Variants in KIF14 observed in about 807,000 individuals in gnomAD.
KIF14 encodes the protein kinesin-like protein KIF14.
KIF14 carries 98 observed loss-of-function variants against 176.2 expected under a neutral mutation model. The observed-to-expected ratio is 0.56, with a 90% CI of 0.47 to 0.66. The LOEUF is 0.66. Ranked by LOEUF, KIF14 falls within the 30% of genes least tolerant of loss-of-function variation. KIF14 has a pLI of 0.00. For synonymous variants in KIF14, 566 were observed against 632.2 expected, an observed-to-expected ratio of 0.90 and a Z score of 1.57; for missense variants, 1,751 against 1,920.4, an observed-to-expected ratio of 0.91 and a Z score of 1.65.
intron 22 of KIF14, among the ~76,000 whole-genome samples, chr1:200,572,375 C>T (rs951675804): frequency 8.5e-5 from 13 of 152,110 alleles, no homozygotes; most frequent in Admixed American, 3.9e-4. Flanking sequence ...GACGGAGGCT[C>T]GCTCTATCGC....
At chr1:200,590,040 A>G (rs1658972177) in intron 17 of KIF14, 85 bp downstream of exon 17, 1 of 1,342,936 alleles carries the variant, frequency 7.4e-7, no homozygotes, top group Non-Finnish European at 1.0e-6. Context: ...CAGTTCCCTT[A>G]TAGGGACATA....
In KIF14 at chr1:200,618,694, A is replaced by G; in HGVS notation, c.30T>C (p.Asn10=). 1 of 1,610,598 alleles carries G rather than the reference A, an allele frequency of 6.2e-7. No homozygotes were observed. The highest frequency in any genetic ancestry group is 1.1e-5 in the South Asian group (1 of 91,072). ...GAATATCAAGAATATCACCGCTGTT[A>G]TTTCTATTATGAGTACTGTGTAATG... MSLHSTHNR[N]NSGDILDIPS... The change falls in exon 2 of 30, where the codon AAT becomes AAC. Residue 10 remains asparagine, a synonymous_variant. Coordinates refer to ENST00000367350, the MANE Select transcript of KIF14 (RefSeq NM_014875.3).
chr1:200,612,254 T>G (rs981937289), intron 4 of KIF14, among the ~76,000 whole-genome samples: 6 of 152,108 alleles, frequency 3.9e-5, no homozygotes, highest in Non-Finnish European at 7.4e-5. Context: ...CCGCCTGCCT[T>G]GGCCTCCCAA....
At chr1:200,576,271 G>A (rs868764765) in intron 21 of KIF14, among the ~76,000 whole-genome samples, 9 of 152,204 alleles carry the variant, frequency 5.9e-5, no homozygotes, top group Non-Finnish European at 1.0e-4. Flanking sequence ...GAGGTCAGGA[G>A]ATCGAGACCA....
chr1:200,575,020 G>A (rs1177917960), intron 22 of KIF14, among the ~76,000 whole-genome samples: 3 of 148,528 alleles, frequency 2.0e-5, no homozygotes, highest in East Asian at 2.0e-4. Context: ...GCAGTGGAGC[G>A]ATCTCAGCTC....
At chr1:200,563,347 C>CT (rs1172637325) in intron 25 of KIF14, among the ~76,000 whole-genome samples, 1 of 151,936 alleles carries the variant, frequency 6.6e-6, no homozygotes, top group African/African-American at 2.4e-5. Flanking sequence ...TTAGTATTTT[C>CT]TTTTTTTAAA....
chr1:200,567,337 C>T (rs900696374), intron 23 of KIF14, among the ~76,000 whole-genome samples: 3 of 151,798 alleles, frequency 2.0e-5, no homozygotes, highest in African/African-American at 7.3e-5. Context: ...GTCAGGAGAT[C>T]GAGACCATCC....
chr1:200,556,992 T>G (rs1468489670), intron 27 of KIF14, among the ~76,000 whole-genome samples: 1 of 152,086 alleles, frequency 6.6e-6, no homozygotes, highest in Non-Finnish European at 1.5e-5. Flanking sequence ...GTTTTTACTT[T>G]TATTTTTTAT....
chr1:200,557,140 AC>A (rs1656875700), intron 27 of KIF14, among the ~76,000 whole-genome samples: 1 of 152,128 alleles, frequency 6.6e-6, no homozygotes, highest in East Asian at 1.9e-4. Context: ...AGTAGCTGGG[AC>A]TACAGATGTG....
At chr1:200,619,321 T>C (rs905474163) in intron 1 of KIF14, among the ~76,000 whole-genome samples, 1 of 151,822 alleles carries the variant, frequency 6.6e-6, no homozygotes, top group Non-Finnish European at 1.5e-5. Context: ...TTTTTGCCAA[T>C]GTTCCATAAG....
Position 200,593,783 on chromosome 1 carries a change from A to T in KIF14, c.2550-14T>A. 1 of 1,454,142 alleles carries T rather than the reference A, an allele frequency of 6.9e-7. No individual in the cohort carries two copies. Among genetic ancestry groups the T allele is most frequent in the East Asian group, 2.3e-5 (1 of 44,008 alleles). The allele number at this position is 1,454,142 out of a possible 1,614,324, so 90.1% of individuals were successfully genotyped here. On this transcript the variant is annotated splice_polypyrimidine_tract_variant and intron_variant, in intron 14 of 29. Coordinates refer to ENST00000367350, the MANE Select transcript of KIF14 (RefSeq NM_014875.3). Reference sequence around the variant, plus strand: ...TTTTTGATAGTACTGTTAAAATAAGAAGCACATAGTTAACAATTATAGAAC... The same window carrying T: ...TTTTTGATAGTACTGTTAAAATAAGTAGCACATAGTTAACAATTATAGAAC...
At chr1:200,608,285 T>C (rs1659982241) in intron 5 of KIF14, among the ~76,000 whole-genome samples, 1 of 152,126 alleles carries the variant, frequency 6.6e-6, no homozygotes, top group South Asian at 2.1e-4. Flanking sequence ...ATCTTTAGTT[T>C]TATACAATTC....
In KIF14 at chr1:200,601,590, A is replaced by G. The variant is rs142965661; in HGVS notation, c.2152+306T>C. Among the ~76,000 whole-genome samples, 3 of 152,300 alleles carry G rather than the reference A, an allele frequency of 2.0e-5. No homozygotes were observed. In the East Asian group the frequency reaches 5.8e-4, roughly 29 times the overall value. Reference sequence around the variant, plus strand: ...GAGAGGTCATAAGAGAAAAATAGTAAATAGTTTTATTGGCATTTTGCTGCA... The same window carrying G: ...GAGAGGTCATAAGAGAAAAATAGTAGATAGTTTTATTGGCATTTTGCTGCA... On this transcript the variant is annotated intron_variant, in intron 11 of 29. Transcript: ENST00000367350.
intron 19 of KIF14, among the ~76,000 whole-genome samples, chr1:200,583,691 C>T (rs1658581473): frequency 6.6e-6 from 1 of 152,248 alleles, no homozygotes; most frequent in South Asian, 2.1e-4. Context: ...CCTGTAATCC[C>T]AGCACTTTGG....
intron 2 of KIF14, among the ~76,000 whole-genome samples, chr1:200,616,708 AAAC>A (rs1454548105): frequency 2.0e-5 from 3 of 152,344 alleles, no homozygotes; most frequent in South Asian, 2.1e-4. Context: ...AAAATATTTT[AAAC>A]AACTACATTA....
chr1:200,563,184 T>G (rs1206752657), intron 25 of KIF14, among the ~76,000 whole-genome samples: 1 of 152,092 alleles, frequency 6.6e-6, no homozygotes, highest in Non-Finnish European at 1.5e-5. Context: ...AATAGCCCAT[T>G]CAGGAAGTAT....
At chr1:200,616,663 C>T (rs1660419711) in intron 2 of KIF14, among the ~76,000 whole-genome samples, 1 of 152,210 alleles carries the variant, frequency 6.6e-6, no homozygotes, top group Non-Finnish European at 1.5e-5. Flanking sequence ...TCAAGTTAAA[C>T]ACTACTAACT....
intron 28 of KIF14, among the ~76,000 whole-genome samples, chr1:200,554,887 G>C (rs541819831): frequency 6.6e-6 from 1 of 152,210 alleles, no homozygotes; most frequent in East Asian, 1.9e-4. Flanking sequence ...TACTTTAAAA[G>C]ATACATTTAT....
intron 22 of KIF14, among the ~76,000 whole-genome samples, chr1:200,573,962 G>A (rs538873708): frequency 1.3e-5 from 2 of 152,252 alleles, no homozygotes; most frequent in South Asian, 4.1e-4. Context: ...AAGAAAATCA[G>A]GAGCTTTGGA....
Sources: gnomAD v4.1 joint callset for allele counts (sites outside exome capture counted in the v4.1 genomes callset) on GRCh38, gnomAD v4.1.1 for gene constraint, MANE v1.5 for transcripts, NCBI Gene and HGNC (gene_info 2026-07-23, HGNC 2026-07-21) for gene names.